Variants in RBFOX1 observed in about 807,000 individuals in gnomAD.
The protein encoded by RBFOX1 is RNA binding fox-1 homolog 1, also known as RNA binding protein fox-1 homolog 1.
Under a neutral mutation model 57.7 loss-of-function variants are expected in RBFOX1, and 8 were observed. The ratio of observed to expected loss-of-function variants is 0.14; its 90% CI spans 0.08 to 0.25. The LOEUF (loss-of-function observed/expected upper bound fraction) is 0.25, where lower values mean the gene tolerates loss of function less well. Ranked by LOEUF, RBFOX1 falls within the 10% of genes least tolerant of loss-of-function variation. RBFOX1 has a pLI of 1.00. For missense variants in RBFOX1, 611 were observed against 548.5 expected (o/e 1.11, Z -1.14); for synonymous variants, 326 against 222.4 (o/e 1.47, Z -4.15).
chr16:6,219,148 C>G lies in RBFOX1; in HGVS notation c.-126-97847C>G, dbSNP rs893294298. Among the ~76,000 whole-genome samples, 6 of 152,124 alleles carry G rather than the reference C, an allele frequency of 3.9e-5. No homozygotes were observed. In the East Asian group the frequency reaches 5.8e-4, roughly 15 times the overall value. On this transcript the variant is annotated intron_variant, in intron 1 of 15. Transcript: ENST00000550418. ...CTGTGGTTGGTGATTTTTTATATGT[C>G]TAGCACCAGCCCTTGCTACTTTTTC...
At chr16:6,912,800 AAGAC>A (rs745424495) in intron 3 of RBFOX1, among the ~76,000 whole-genome samples, 2 of 151,004 alleles carry the variant, frequency 1.3e-5, no homozygotes, top group Non-Finnish European at 3.0e-5. Flanking sequence ...TTTTTTTTTT[AAGAC>A]AGACTTTGTC....
intron 3 of RBFOX1, among the ~76,000 whole-genome samples, chr16:5,620,520 C>T (rs753222040): frequency 7.2e-5 from 11 of 152,100 alleles, no homozygotes; most frequent in African/African-American, 1.7e-4. Flanking sequence ...AGTGTGTCAG[C>T]GGGGTTGGTT....
intron 3 of RBFOX1, among the ~76,000 whole-genome samples, chr16:6,796,982 G>A (rs2084211018): frequency 1.3e-5 from 2 of 152,112 alleles, no homozygotes; most frequent in Non-Finnish European, 2.9e-5. Flanking sequence ...TCCTTAGTGG[G>A]AAAACATAAG....
chr16:5,463,016 A>G (rs2068840146), intron 1 of RBFOX1, among the ~76,000 whole-genome samples: 1 of 152,244 alleles, frequency 6.6e-6, no homozygotes, highest in Non-Finnish European at 1.5e-5. Flanking sequence ...TCAACATCTA[A>G]TCCTTGGTCC....
intron 2 of RBFOX1, among the ~76,000 whole-genome samples, chr16:6,384,726 G>A (rs907000183): frequency 1.4e-4 from 22 of 152,198 alleles, no homozygotes; most frequent in Admixed American, 1.2e-3. Flanking sequence ...CCATCTCAGA[G>A]TGTGTGTGGA....
intron 4 of RBFOX1, among the ~76,000 whole-genome samples, chr16:7,279,144 T>C (rs973663679): frequency 1.7e-4 from 25 of 148,768 alleles, no homozygotes; most frequent in African/African-American, 5.8e-4. Context: ...CTTTTTTTTT[T>C]AAACATGGAT....
At chr16:6,968,957 G>A (rs755128223) in intron 3 of RBFOX1, among the ~76,000 whole-genome samples, 4 of 152,040 alleles carry the variant, frequency 2.6e-5, no homozygotes, top group South Asian at 2.1e-4. Flanking sequence ...AGATTAGTGG[G>A]TGCTCAGGAT....
chr16:7,680,478 G>C lies in RBFOX1; in HGVS notation c.995+3640G>C, dbSNP rs370749861. Among the ~76,000 whole-genome samples the C allele has an allele frequency of 2.7e-4, 41 of 152,240 alleles. No individual in the cohort carries two copies. The East Asian group carries it at 7.2e-3, about 27-fold the overall frequency. On this transcript the variant is annotated intron_variant, in intron 14 of 15. Coordinates refer to ENST00000550418, the MANE Select transcript of RBFOX1 (RefSeq NM_018723.4). Reference sequence around the variant, plus strand: ...TCCACGTCAGGGCTGAAAGTAGCTAGATGCAGACCGCCTAGAGACGGAAGC... The same window carrying C: ...TCCACGTCAGGGCTGAAAGTAGCTACATGCAGACCGCCTAGAGACGGAAGC...
chr16:5,636,512 G>A (rs1567328747), intron 3 of RBFOX1, among the ~76,000 whole-genome samples: 1 of 151,704 alleles, frequency 6.6e-6, no homozygotes, highest in Admixed American at 6.6e-5. Context: ...ACGTTTTATT[G>A]GCTGGGTCAT....
In RBFOX1 at chr16:6,961,683, C is replaced by G. The variant is rs577631894; in HGVS notation, c.-15-90374C>G. ...GAGTTTTCTGGGAAAGGGGTGGGGA[C>G]TTCCTCTGGAGGTGAGGTTCCTTCC... is the stretch of plus-strand genomic sequence containing the variant. On this transcript the variant is annotated intron_variant, in intron 3 of 15. Coordinates refer to ENST00000550418, the MANE Select transcript of RBFOX1 (RefSeq NM_018723.4). 7.6e-4 allele frequency among the ~76,000 whole-genome samples: 115 copies of G among 152,222 alleles called. 1 individual carries two copies. Among genetic ancestry groups the G allele is most frequent in the African/African-American group, 2.7e-3 (111 of 41,554 alleles).
chr16:5,588,575 T>G (rs1252778540), intron 2 of RBFOX1, among the ~76,000 whole-genome samples: 2 of 152,208 alleles, frequency 1.3e-5, no homozygotes, highest in Non-Finnish European at 2.9e-5. Flanking sequence ...TGGGCTGTTT[T>G]GTGTCTCTAT....
At chr16:7,336,969 A>G (rs2096799664) in intron 4 of RBFOX1, among the ~76,000 whole-genome samples, 2 of 152,180 alleles carry the variant, frequency 1.3e-5, no homozygotes, top group South Asian at 4.1e-4. Context: ...GTGTTGTCCT[A>G]GACCCTGCTG....
chr16:5,457,839 G>T (rs993233256), intron 1 of RBFOX1, among the ~76,000 whole-genome samples: 2 of 152,120 alleles, frequency 1.3e-5, no homozygotes, highest in African/African-American at 4.8e-5. Context: ...TGAGAGTAGG[G>T]TTCCTTCTTT....
chr16:6,986,795 A>T (rs1317601882), intron 3 of RBFOX1, among the ~76,000 whole-genome samples: 1 of 152,116 alleles, frequency 6.6e-6, no homozygotes, highest in Non-Finnish European at 1.5e-5. Context: ...TAAGAAAATA[A>T]CTGAACACGC....
chr16:5,878,906 A>G (rs2057690569), intron 4 of RBFOX1, among the ~76,000 whole-genome samples: 1 of 152,202 alleles, frequency 6.6e-6, no homozygotes, highest in African/African-American at 2.4e-5. Context: ...TGTCATTCTA[A>G]TGTAATTAGT....
intron 4 of RBFOX1, among the ~76,000 whole-genome samples, chr16:7,510,493 G>A (rs1389387432): frequency 2.7e-5 from 4 of 150,696 alleles, no homozygotes. Flanking sequence ...GTGTCTGTGT[G>A]TGTGTGTGTG....
intron 2 of RBFOX1, among the ~76,000 whole-genome samples, chr16:6,415,361 C>G (rs867377360): frequency 6.6e-6 from 1 of 151,768 alleles, no homozygotes. Flanking sequence ...AAGTGATAAG[C>G]CCAAGCTCAT....
chr16:6,527,874 A>G (rs976332911), intron 2 of RBFOX1, among the ~76,000 whole-genome samples: 2 of 152,118 alleles, frequency 1.3e-5, no homozygotes, highest in Non-Finnish European at 2.9e-5. Context: ...GCACAATTCA[A>G]AAGAGTGACC....
intron 2 of RBFOX1, among the ~76,000 whole-genome samples, chr16:5,471,771 C>G (rs541847987): frequency 1.8e-4 from 27 of 152,318 alleles, no homozygotes; most frequent in Middle Eastern, 6.8e-3. Flanking sequence ...ATGGATAAAT[C>G]TCCTTGGCAG....
Sources: allele counts gnomAD v4.1 joint callset (sites outside exome capture counted in the v4.1 genomes callset), GRCh38; gene constraint gnomAD v4.1.1; transcripts MANE v1.5; gene names NCBI Gene and HGNC (gene_info 2026-07-23, HGNC 2026-07-21).